The following ELF1 variants were observed in gnomAD, a reference collection of about 807,000 sequenced individuals.
ELF1 encodes the protein E74 like ETS transcription factor 1.
A neutral mutation model predicts 59.9 loss-of-function variants in ELF1; 24 were observed. The ratio of observed to expected loss-of-function variants is 0.40; its 90% CI spans 0.29 to 0.56. ELF1 has a LOEUF of 0.56. ELF1 is among the 20% of genes least tolerant of loss of function. The pLI is 0.44. For missense variants in ELF1, 627 were observed against 742.2 expected (o/e 0.84, Z 1.80); for synonymous variants, 248 against 266.2 (o/e 0.93, Z 0.67).
chr13:41,010,479 T>G (rs1874997166), intron 1 of ELF1, among the ~76,000 whole-genome samples: 1 of 103,904 alleles, frequency 9.6e-6, no homozygotes, highest in Admixed American at 1.5e-4. Context: ...AAAATACATA[T>G]AGGTATGAGG....
intron 3 of ELF1, among the ~76,000 whole-genome samples, chr13:40,956,571 C>CAAAAAAAAAAA (rs34245662): frequency 9.0e-4 from 68 of 75,962 alleles, no homozygotes; most frequent in Non-Finnish European, 1.4e-3. Flanking sequence ...CAAGAATGAT[C>CAAAAAAAAAAA]AAAAAAAAAA....
upstream of ELF1, chr13:41,019,413 G>C (rs1875599629): frequency 2.0e-6 from 2 of 985,180 alleles, no homozygotes; most frequent in South Asian, 4.7e-5. Context: ...CAATTATTCT[G>C]CTAGGTCAAA....
intron 1 of ELF1, among the ~76,000 whole-genome samples, chr13:41,035,836 T>TAAAA (rs776051057): frequency 6.7e-6 from 1 of 148,672 alleles, no homozygotes; most frequent in Admixed American, 6.7e-5. Context: ...AACTTCTTGT[T>TAAAA]AAAAAAAAAA....
At chr13:41,018,523 T>A (rs952298592) in intron 1 of ELF1, among the ~76,000 whole-genome samples, 1 of 152,220 alleles carries the variant, frequency 6.6e-6, no homozygotes, top group Non-Finnish European at 1.5e-5. Context: ...ATTATAAAAC[T>A]TCATTTTTTT....
At chr13:41,021,871 ACAC>A (rs1398168860), upstream of ELF1, among the ~76,000 whole-genome samples, 3 of 152,210 alleles carry the variant, frequency 2.0e-5, no homozygotes, top group Non-Finnish European at 4.4e-5. Context: ...AATTAATGTG[ACAC>A]CACCACAACA....
At chr13:40,941,959 C>A (rs1393054511) in intron 7 of ELF1, among the ~76,000 whole-genome samples, 1 of 152,128 alleles carries the variant, frequency 6.6e-6, no homozygotes, top group Non-Finnish European at 1.5e-5. Flanking sequence ...ACACTCAGCC[C>A]CCCTCTGCCA....
At chr13:41,002,327 T>A (rs7333708) in intron 1 of ELF1, among the ~76,000 whole-genome samples, 28,026 of 152,024 alleles carry the variant, frequency 0.18, 2,768 homozygotes, top group East Asian at 0.26. Flanking sequence ...TTTCCTATAT[T>A]TTAATAGTAG....
At chr13:41,058,549 G>T (rs1237201469) in intron 1 of ELF1, among the ~76,000 whole-genome samples, 1 of 152,240 alleles carries the variant, frequency 6.6e-6, no homozygotes, top group Admixed American at 6.5e-5. Flanking sequence ...TTTATACAGA[G>T]ATGATGCAAC....
chr13:40,982,968 G>A lies in ELF1; in HGVS notation c.-228-686C>T, dbSNP rs978598482. The A allele has an allele frequency of 1.4e-5, 9 of 645,928 alleles. No homozygotes were observed. The African/African-American group carries it at 1.6e-4, about 11-fold the overall frequency. The allele number at this position is 645,928 out of a possible 1,614,324, so 40.0% of individuals were successfully genotyped here. ...AGGAAACAGCACTTGACCACGTCAT[G>A]GCAAATTAGAACATGCAAAGAACTG... On this transcript the variant is annotated intron_variant, in intron 1 of 8. Transcript: ENST00000239882.
chr13:40,995,536 A>G (rs1253706806), intron 1 of ELF1, among the ~76,000 whole-genome samples: 1 of 152,240 alleles, frequency 6.6e-6, no homozygotes, highest in Non-Finnish European at 1.5e-5. Context: ...TCAATGGAAC[A>G]GAATAGAGAG....
At chr13:41,006,217 T>C (rs971752089) in intron 1 of ELF1, among the ~76,000 whole-genome samples, 2 of 144,132 alleles carry the variant, frequency 1.4e-5, no homozygotes, top group Admixed American at 6.9e-5. Context: ...TCATTCTTTA[T>C]AGGAGTCTAA....
At chr13:41,033,647 G>A (rs1031404127) in intron 1 of ELF1, among the ~76,000 whole-genome samples, 1 of 152,168 alleles carries the variant, frequency 6.6e-6, no homozygotes, top group African/African-American at 2.4e-5. Flanking sequence ...ACCCTATTGT[G>A]AACTGTGCAT....
chr13:40,980,803 C>T (rs987283748), intron 2 of ELF1, among the ~76,000 whole-genome samples: 1 of 152,110 alleles, frequency 6.6e-6, no homozygotes, highest in African/African-American at 2.4e-5. Flanking sequence ...ACCTTTCTTC[C>T]TAAAATATAT....
At chr13:41,030,283 C>A (rs1309842538) in intron 1 of ELF1, among the ~76,000 whole-genome samples, 2 of 152,032 alleles carry the variant, frequency 1.3e-5, no homozygotes, top group Admixed American at 1.3e-4. Flanking sequence ...GATGGCAGAT[C>A]AAGTTAGATA....
chr13:41,011,498 T>C (rs1358028436), intron 1 of ELF1, among the ~76,000 whole-genome samples: 1 of 152,088 alleles, frequency 6.6e-6, no homozygotes, highest in Non-Finnish European at 1.5e-5. Context: ...GGTTGGAGTA[T>C]AGTGGCACGA....
At chr13:41,028,340 T>G (rs1033150967) in intron 1 of ELF1, among the ~76,000 whole-genome samples, 1 of 152,216 alleles carries the variant, frequency 6.6e-6, no homozygotes, top group African/African-American at 2.4e-5. Context: ...GGCATCTCTT[T>G]GTATTATCAT....
intron 1 of ELF1, among the ~76,000 whole-genome samples, chr13:41,054,826 C>T (rs1417683271): frequency 6.6e-6 from 1 of 152,176 alleles, no homozygotes; most frequent in African/African-American, 2.4e-5. Flanking sequence ...CCAGTTCAAC[C>T]TGCACGTTAC....
In ELF1 at chr13:40,976,118, A is replaced by G. The variant is rs1359543897; in HGVS notation, c.72+5865T>C. On this transcript the variant is annotated intron_variant, in intron 2 of 8. Transcript: ENST00000239882. ...TGTTCTAAAATCTTGAAAGATTATT[A>G]GACTTAAATATGCAACAGGTATGAA... Among the ~76,000 whole-genome samples the G allele has an allele frequency of 2.0e-5, 3 of 152,220 alleles. No homozygotes were observed. The South Asian group carries it at 6.2e-4, about 32-fold the overall frequency.
chr13:40,972,846 T>C (rs1183242494), intron 2 of ELF1, among the ~76,000 whole-genome samples: 1 of 152,118 alleles, frequency 6.6e-6, no homozygotes. Flanking sequence ...AAATGTTATG[T>C]CAAAGTTGTG....
Sources: allele counts gnomAD v4.1 joint callset (sites outside exome capture counted in the v4.1 genomes callset), GRCh38; gene constraint gnomAD v4.1.1; transcripts MANE v1.5; gene names NCBI Gene and HGNC (gene_info 2026-07-23, HGNC 2026-07-21).